The following ZDBF2 variants were observed in gnomAD, a reference collection of about 807,000 sequenced individuals.
ZDBF2 encodes DBF4-type zinc finger-containing protein 2.
ZDBF2 carries 6 observed loss-of-function variants against 9.4 expected under a neutral mutation model. That is an observed-to-expected ratio of 0.64 (90% CI 0.35 to 1.27). ZDBF2 has a LOEUF of 1.27. Ranked by LOEUF, ZDBF2 falls within the 50% of genes most tolerant of loss-of-function variation. The probability of loss-of-function intolerance (pLI) is 0.03; values close to 1 mark genes in which losing one functional copy is unlikely to be tolerated. For synonymous variants in ZDBF2, 905 were observed against 946.3 expected, an observed-to-expected ratio of 0.96 and a Z score of 0.80; for missense variants, 2,697 against 2,766.8, an observed-to-expected ratio of 0.97 and a Z score of 0.57.
chr2:206,297,242 A>G lies in ZDBF2; in HGVS notation c.61-4A>G. The G allele has an allele frequency of 1.6e-6, 2 of 1,221,458 alleles. No homozygotes were observed. Among genetic ancestry groups the G allele is most frequent in the East Asian group, 2.3e-5 (1 of 42,660 alleles). 75.7% of individuals were successfully genotyped at this position (1,221,458 alleles called of 1,614,324 possible). The stretch of plus-strand genomic sequence containing the variant: ...AAAATATTCCATTTCTTTTTTCTTT[A>G]TAGCATTTGTTCAGTGCTCAGCACA... On this transcript the variant is annotated splice_polypyrimidine_tract_variant and splice_region_variant and intron_variant, in intron 3 of 4. Coordinates refer to ENST00000374423, the MANE Select transcript of ZDBF2 (RefSeq NM_020923.3).
chr2:206,293,786 G>C (rs560005284), intron 3 of ZDBF2, among the ~76,000 whole-genome samples: 57 of 152,290 alleles, frequency 3.7e-4, no homozygotes, highest in African/African-American at 1.4e-3. Flanking sequence ...TAGGAATACT[G>C]CTGGTAGGGA....
At position 206,312,254 on chromosome 2, in the gene ZDBF2, T is replaced by C. The variant is rs968527890; in HGVS notation, c.*661T>C. 1.3e-5 allele frequency: 2 copies of C among 152,162 alleles called. No individual in the cohort carries two copies. The highest frequency in any genetic ancestry group is 4.8e-5 in the African/African-American group (2 of 41,432). The allele number at this position is 152,162 out of a possible 1,614,324, so 9.4% of individuals were successfully genotyped here. ...TTAGATCTTAAAGGGGAAAATAATT[T>C]TGCCCATGTGTTTAGGCATTCCCCC... is the stretch of plus-strand genomic sequence containing the variant. On this transcript the variant is annotated 3_prime_UTR_variant, in exon 5 of 5. Transcript: ENST00000374423.
At chr2:206,275,975 A>C (rs1316064159) in intron 1 of ZDBF2, among the ~76,000 whole-genome samples, 1 of 152,234 alleles carries the variant, frequency 6.6e-6, no homozygotes, top group South Asian at 2.1e-4. Context: ...TTTGGATAGA[A>C]ATAAGCTGAA....
In ZDBF2 at chr2:206,297,301, G is replaced by T. The variant is rs776543980; in HGVS notation, c.116G>T (p.Cys39Phe). Residue 39 changes from cysteine (C) to phenylalanine (F), a missense_variant, in exon 4 of 5, where the codon TGT becomes TTT. This residue lies in a region of ZDBF2 where 910 missense variants were observed against 973.6 expected (regional missense o/e 0.93). Coordinates refer to ENST00000374423, the MANE Select transcript of ZDBF2 (RefSeq NM_020923.3). ...ACCAGACAGAGTAGACGTCAAATAT[G>T]TACCAGTAGTTTGATGGAACGTTTC... ...SLTRQSRRQI[C>F]TSSLMERFLQ... 18 of 1,607,928 alleles carry T rather than the reference G, an allele frequency of 1.1e-5. No homozygotes were observed. The Admixed American group carries it at 1.3e-4, about 12-fold the overall frequency.
At chr2:206,289,330 G>C (rs1316148165) in intron 3 of ZDBF2, among the ~76,000 whole-genome samples, 1 of 152,112 alleles carries the variant, frequency 6.6e-6, no homozygotes. Context: ...ATGTAAGGCA[G>C]TTTCCTGCAA....
intron 1 of ZDBF2, among the ~76,000 whole-genome samples, chr2:206,278,558 T>C (rs1475795293): frequency 1.3e-5 from 2 of 152,202 alleles, no homozygotes; most frequent in Non-Finnish European, 2.9e-5. Context: ...AAATCCAATC[T>C]ACTTGCCCTG....
At chr2:206,281,642 T>C (rs1461308452) in intron 2 of ZDBF2, among the ~76,000 whole-genome samples, 159 bp from the exon 3 acceptor site, 1 of 152,250 alleles carries the variant, frequency 6.6e-6, no homozygotes, top group African/African-American at 2.4e-5. Context: ...AGTTCTTGTC[T>C]CTGCTCCAGG....
chr2:206,284,822 G>C (rs1397169596), intron 3 of ZDBF2, among the ~76,000 whole-genome samples: 1 of 152,154 alleles, frequency 6.6e-6, no homozygotes, highest in Non-Finnish European at 1.5e-5. Flanking sequence ...TTCGCCTCTT[G>C]GGTTCAAGCA....
rs751469347 is a variant in ZDBF2 at position 206,308,507 on chromosome 2, T to C, written c.3979T>C (p.Ser1327Pro). Residue 1327 changes from serine to proline, a missense_variant, in exon 5 of 5, where the codon TCT (serine) becomes CCT (proline). Around this residue, in one of 3 missense-constraint regions of ZDBF2, gnomAD observed 1,783 missense variants for 1,776.5 expected, o/e 1.00. Transcript: ENST00000374423. ...TGATAAGGGCTATGTGCCCAGTGAT[T>C]CTGAAATAATTTATGTTTCAAATAT... ...LDDKGYVPSD[S>P]EIIYVSNIPL... is the part of the protein sequence containing the mutation. The C allele has an allele frequency of 1.2e-6, 2 of 1,613,034 alleles. No homozygotes were observed. Among genetic ancestry groups the C allele is most frequent in the East Asian group, 2.2e-5 (1 of 44,864 alleles).
At chr2:206,291,656 C>T (rs1691906201) in intron 3 of ZDBF2, among the ~76,000 whole-genome samples, 1 of 152,276 alleles carries the variant, frequency 6.6e-6, no homozygotes, top group African/African-American at 2.4e-5. Context: ...GTAGTTCAAC[C>T]TATAGCAGTT....
chr2:206,309,543 C>T lies in ZDBF2; in HGVS notation c.5015C>T (p.Thr1672Ile), dbSNP rs370447842. 5 of 1,613,846 alleles carry T rather than the reference C, an allele frequency of 3.1e-6. No homozygotes were observed. Among genetic ancestry groups the T allele is most frequent in the Admixed American group, 3.3e-5 (2 of 59,988 alleles). The change falls in exon 5 of 5, where the codon ACT becomes ATT. Residue 1672 changes from threonine to isoleucine, a missense_variant. Transcript: ENST00000374423. ...GSKGKFNLED[T>I]SHRTTHRLQK... Reference sequence around the variant, plus strand: ...AAAGGAAAATTTAATTTGGAAGACACTTCTCATCGAACGACTCACCGACTG... The same window carrying T: ...AAAGGAAAATTTAATTTGGAAGACATTTCTCATCGAACGACTCACCGACTG...
intron 3 of ZDBF2, among the ~76,000 whole-genome samples, chr2:206,287,002 G>C (rs1483303348): frequency 1.3e-5 from 2 of 152,112 alleles, no homozygotes; most frequent in African/African-American, 4.8e-5. Context: ...AGCTTTAGTA[G>C]CACTGTGTTC....
At chr2:206,300,877 T>C (rs1407258221) in intron 4 of ZDBF2, among the ~76,000 whole-genome samples, 1 of 152,222 alleles carries the variant, frequency 6.6e-6, no homozygotes, top group Non-Finnish European at 1.5e-5. Flanking sequence ...AATTTGTTAC[T>C]ATTTATTATT....
chr2:206,286,746 G>A (rs1181746965), intron 3 of ZDBF2, among the ~76,000 whole-genome samples: 2 of 152,022 alleles, frequency 1.3e-5, no homozygotes, highest in Non-Finnish European at 2.9e-5. Context: ...GCGGTGTATT[G>A]TTAGGTCATG....
chr2:206,282,190 A>T (rs1430051971), intron 3 of ZDBF2, among the ~76,000 whole-genome samples: 1 of 152,194 alleles, frequency 6.6e-6, no homozygotes, highest in Non-Finnish European at 1.5e-5. Context: ...AAAACAAAAT[A>T]GGGAAGGGGT....
At position 206,306,636 on chromosome 2, in the gene ZDBF2, G is replaced by T. The variant is rs760671336; in HGVS notation, c.2108G>T (p.Arg703Leu). ...DLENKSVQSS[R>L]SSLSSDSPAS... The stretch of plus-strand genomic sequence containing the variant: ...GAGAATAAGAGTGTTCAGTCTAGCC[G>T]TTCTTCTCTGAGTTCTGATTCTCCG... Residue 703 changes from arginine (R) to leucine (L), a missense_variant, in exon 5 of 5, where the codon CGT becomes CTT. Arg to Leu is a moderately radical substitution (Grantham distance 102). Transcript: ENST00000374423. The T allele has an allele frequency of 3.1e-6, 5 of 1,613,662 alleles. No homozygotes were observed.
In ZDBF2 at chr2:206,309,036, A is replaced by T. The variant is rs571675037; in HGVS notation, c.4508A>T (p.Asp1503Val). 2 of 1,613,918 alleles carry T rather than the reference A, an allele frequency of 1.2e-6. No individual in the cohort carries two copies. Among genetic ancestry groups the T allele is most frequent in the Non-Finnish European group, 1.7e-6 (2 of 1,179,876 alleles). The change falls in exon 5 of 5, where the codon GAT (aspartate) becomes GTT (valine). Residue 1503 changes from aspartate to valine, a missense_variant. By Grantham distance (152) the Asp-to-Val change is radical. Transcript: ENST00000374423. ...PSDSEMMYDS[D>V]VPFQIVVNQF... ...GATTCAGAAATGATGTATGATTCTG[A>T]TGTTCCTTTTCAAATAGTAGTTAAC...
rs185396732 is a variant in ZDBF2 at position 206,288,890 on chromosome 2, G to A, written c.60+6981G>A. 4.5e-3 allele frequency among the ~76,000 whole-genome samples: 688 copies of A among 152,218 alleles called. 1 individual carries two copies. Among genetic ancestry groups the A allele is most frequent in the Non-Finnish European group, 8.0e-3 (546 of 68,008 alleles). ...GTCTCAGGGGATGAGGCATTGTGTA[G>A]TAGTGACTCTAGACACTGGGATGGT... On this transcript the variant is annotated intron_variant, in intron 3 of 4. Transcript: ENST00000374423.
chr2:206,302,200 G>C (rs1692543271), intron 4 of ZDBF2, among the ~76,000 whole-genome samples: 1 of 151,890 alleles, frequency 6.6e-6, no homozygotes, highest in Non-Finnish European at 1.5e-5. Context: ...TGTAGAAACA[G>C]GATCTCATTA....
Sources: gnomAD v4.1 joint callset for allele counts (sites outside exome capture counted in the v4.1 genomes callset) on GRCh38, gnomAD v4.1.1 for gene constraint, gnomAD v4.1.1 regional missense constraint, MANE v1.5 for transcripts, NCBI Gene and HGNC (gene_info 2026-07-23, HGNC 2026-07-21) for gene names.